NDST4: variants seen among roughly 807,000 people sequenced by gnomAD.
The protein encoded by NDST4 is N-deacetylase and N-sulfotransferase 4.
Under a neutral mutation model 100.8 loss-of-function variants are expected in NDST4, and 63 were observed. That is an observed-to-expected ratio of 0.62 (90% CI 0.51 to 0.77). NDST4 has a LOEUF of 0.77. Among genes scored for constraint, NDST4 ranks in the 30% least tolerant of loss-of-function variants. The pLI is 0.00. For missense variants in NDST4, 943 were observed against 1,018.4 expected (o/e 0.93, Z 1.01); for synonymous variants, 377 against 361.8 (o/e 1.04, Z -0.48).
At chr4:114,833,505 A>G in intron 12 of NDST4, 101 bp downstream of exon 12, 1 of 730,082 alleles carries the variant, frequency 1.4e-6, no homozygotes, top group Non-Finnish European at 2.4e-6. Flanking sequence ...CATAGGATGT[A>G]TAAATTCTAG....
chr4:114,940,705 C>G (rs1333359517), intron 4 of NDST4, among the ~76,000 whole-genome samples: 1 of 152,156 alleles, frequency 6.6e-6, no homozygotes, highest in Admixed American at 6.5e-5. Flanking sequence ...AAGTTCTTGT[C>G]CAGTGCTGAG....
At chr4:114,915,767 G>A (rs1725155205) in intron 6 of NDST4, among the ~76,000 whole-genome samples, 1 of 151,886 alleles carries the variant, frequency 6.6e-6, no homozygotes, top group African/African-American at 2.4e-5. Flanking sequence ...TAGTCTAATA[G>A]TATAATGATT....
At chr4:115,017,165 C>T (rs1042748388) in intron 2 of NDST4, among the ~76,000 whole-genome samples, 4 of 152,000 alleles carry the variant, frequency 2.6e-5, no homozygotes, top group South Asian at 2.1e-4. Flanking sequence ...ACAGAATGCA[C>T]ATTTAAAAGT....
At chr4:114,960,331 G>A (rs1726232838) in intron 4 of NDST4, among the ~76,000 whole-genome samples, 1 of 152,058 alleles carries the variant, frequency 6.6e-6, no homozygotes, top group Non-Finnish European at 1.5e-5. Flanking sequence ...ATAAAGGCTG[G>A]GTGTGGTGGC....
rs764667030 is a variant in NDST4 at position 114,839,541 on chromosome 4, C to A, written c.2123G>T (p.Arg708Leu). The A allele has an allele frequency of 6.2e-7, 1 of 1,612,576 alleles. No individual in the cohort carries two copies. The highest frequency in any genetic ancestry group is 1.1e-5 in the South Asian group (1 of 90,894). The change falls in exon 11 of 14, where the codon CGA becomes CTA. Residue 708 changes from arginine to leucine, a missense_variant. Coordinates refer to ENST00000264363, the MANE Select transcript of NDST4 (RefSeq NM_022569.3). Reference sequence around the variant, plus strand: ...CAGAGCAGCTGGATCTTCATGTGATCGTTGGTGCTTTAACAAGAAAGTCAA... The same window carrying A: ...CAGAGCAGCTGGATCTTCATGTGATAGTTGGTGCTTTAACAAGAAAGTCAA... ...DRAYSWYQHQ[R>L]SHEDPAALRF...
At chr4:115,083,894 A>C (rs1729352987) in intron 1 of NDST4, among the ~76,000 whole-genome samples, 1 of 152,124 alleles carries the variant, frequency 6.6e-6, no homozygotes, top group Non-Finnish European at 1.5e-5. Flanking sequence ...ACCCAGTATC[A>C]GGTGTTTCTT....
chr4:114,962,285 T>C (rs1365126073), intron 4 of NDST4, among the ~76,000 whole-genome samples: 2 of 150,960 alleles, frequency 1.3e-5, no homozygotes, highest in African/African-American at 4.9e-5. Flanking sequence ...CTATTCAACA[T>C]TGTACTGAAA....
chr4:114,966,255 C>T (rs892271098), intron 4 of NDST4, among the ~76,000 whole-genome samples: 1 of 151,980 alleles, frequency 6.6e-6, no homozygotes, highest in Non-Finnish European at 1.5e-5. Context: ...TATACATACA[C>T]ATAACTCCCA....
In NDST4 at chr4:114,952,574, A is replaced by G. The variant is rs542684619; in HGVS notation, c.1222-15071T>C. Among the ~76,000 whole-genome samples the G allele has an allele frequency of 2.4e-4, 37 of 152,262 alleles. 1 individual carries two copies. The South Asian group carries it at 7.5e-3, about 31-fold the overall frequency. Reference sequence around the variant, plus strand: ...TCTAAATCCATTGCTGAGAAGTATGAATATTAATAGCTAATGAAATACCAA... The same window carrying G: ...TCTAAATCCATTGCTGAGAAGTATGGATATTAATAGCTAATGAAATACCAA... On this transcript the variant is annotated intron_variant, in intron 4 of 13. Coordinates refer to ENST00000264363, the MANE Select transcript of NDST4 (RefSeq NM_022569.3).
intron 4 of NDST4, among the ~76,000 whole-genome samples, chr4:114,954,317 C>T (rs1225661894): frequency 6.6e-6 from 1 of 151,822 alleles, no homozygotes; most frequent in Non-Finnish European, 1.5e-5. Context: ...AATTTGAATG[C>T]CCAGTCTAGA....
chr4:115,053,585 A>G (rs1728631416), intron 2 of NDST4, among the ~76,000 whole-genome samples: 2 of 152,142 alleles, frequency 1.3e-5, no homozygotes, highest in Admixed American at 1.3e-4. Flanking sequence ...TGTTTGAATG[A>G]TAAACACAGT....
At chr4:114,977,329 G>A in intron 2 of NDST4, 55 bp from the exon 3 acceptor site, 1 of 1,267,744 alleles carries the variant, frequency 7.9e-7, no homozygotes, top group Admixed American at 1.9e-5. Flanking sequence ...GAAGTTTTGG[G>A]ATGCCTCTTT....
intron 6 of NDST4, among the ~76,000 whole-genome samples, chr4:114,910,223 A>G (rs1725036335): frequency 6.6e-6 from 1 of 152,190 alleles, no homozygotes; most frequent in African/African-American, 2.4e-5. Flanking sequence ...GAATAGGGGG[A>G]AAATTAAAGG....
intron 6 of NDST4, among the ~76,000 whole-genome samples, chr4:114,926,440 T>C (rs922246203): frequency 1.6e-4 from 25 of 152,220 alleles, no homozygotes; most frequent in African/African-American, 6.0e-4. Flanking sequence ...TGTAAAACTT[T>C]ATTCCAACTC....
chr4:114,955,286 C>T (rs1726112864), intron 4 of NDST4, among the ~76,000 whole-genome samples: 1 of 152,058 alleles, frequency 6.6e-6, no homozygotes, highest in African/African-American at 2.4e-5. Context: ...ACAAGAATGG[C>T]AACAGTGCGG....
intron 4 of NDST4, among the ~76,000 whole-genome samples, chr4:114,951,471 T>A (rs1289147813): frequency 2.0e-5 from 3 of 152,096 alleles, no homozygotes; most frequent in African/African-American, 7.2e-5. Context: ...AATGATAGCA[T>A]GCTTCTTGAA....
At chr4:115,097,531 A>C (rs1262797494) in intron 1 of NDST4, among the ~76,000 whole-genome samples, 2 of 152,056 alleles carry the variant, frequency 1.3e-5, no homozygotes, top group Non-Finnish European at 2.9e-5. Context: ...ATATATCTTG[A>C]ATCTGAACAT....
intron 2 of NDST4, among the ~76,000 whole-genome samples, chr4:115,068,135 GT>G (rs954632311): frequency 2.6e-5 from 4 of 151,678 alleles, no homozygotes; most frequent in Non-Finnish European, 4.4e-5. Context: ...TCTATTAACT[GT>G]TTTTTTTAAA....
At chr4:115,017,748 C>T (rs562355616) in intron 2 of NDST4, among the ~76,000 whole-genome samples, 1 of 152,012 alleles carries the variant, frequency 6.6e-6, no homozygotes, top group East Asian at 1.9e-4. Flanking sequence ...AACAAAAAGG[C>T]AATCATTAAT....
Sources: allele counts gnomAD v4.1 joint callset (sites outside exome capture counted in the v4.1 genomes callset), GRCh38; gene constraint gnomAD v4.1.1; transcripts MANE v1.5; gene names NCBI Gene and HGNC (gene_info 2026-07-23, HGNC 2026-07-21).